PCLO: variants seen among roughly 807,000 people sequenced by gnomAD.
The protein encoded by PCLO is piccolo presynaptic cytomatrix protein, also known as protein piccolo.
Under a neutral mutation model 427.5 loss-of-function variants are expected in PCLO, and 82 were observed. The ratio of observed to expected loss-of-function variants is 0.19; its 90% CI spans 0.16 to 0.23. The LOEUF (loss-of-function observed/expected upper bound fraction) is 0.23. Ranked by LOEUF, PCLO falls within the 10% of genes least tolerant of loss-of-function variation. PCLO has a pLI of 1.00. For missense variants in PCLO, 6,239 were observed against 6,115.9 expected (o/e 1.02, Z -0.67); for synonymous variants, 2,357 against 2,155.4 (o/e 1.09, Z -2.59).
At chr7:82,840,221 A>G (rs779847945) in intron 14 of PCLO, among the ~76,000 whole-genome samples, 2 of 152,120 alleles carry the variant, frequency 1.3e-5, no homozygotes, top group Non-Finnish European at 2.9e-5. Context: ...AGTTGGAAAT[A>G]GCAGAGAAAC....
At chr7:82,878,238 C>CTGCTTCTAATT (rs1332308263) in intron 10 of PCLO, among the ~76,000 whole-genome samples, 2 of 152,096 alleles carry the variant, frequency 1.3e-5, no homozygotes, top group Admixed American at 6.6e-5. Context: ...TGAATAAATA[C>CTGCTTCTAATT]TGCTTCTAAT....
chr7:82,792,254 T>C (rs1437893231), intron 22 of PCLO, among the ~76,000 whole-genome samples: 1 of 152,138 alleles, frequency 6.6e-6, no homozygotes, highest in Non-Finnish European at 1.5e-5. Context: ...CATTTTTTTC[T>C]TCTTATTATT....
At chr7:82,795,297 C>T (rs532409955) in intron 22 of PCLO, among the ~76,000 whole-genome samples, 2 of 152,120 alleles carry the variant, frequency 1.3e-5, no homozygotes, top group East Asian at 3.9e-4. Flanking sequence ...TATCCATTTG[C>T]CCATTTATCT....
chr7:82,956,709 G>T lies in PCLO; in HGVS notation c.4244C>A (p.Thr1415Lys). Residue 1415 changes from threonine (T) to lysine (K), a missense_variant, in exon 5 of 25, where the codon ACA becomes AAA. Physicochemically the swap from Thr to Lys is moderately conservative, Grantham distance 78 (BLOSUM62 -1). Coordinates refer to ENST00000333891, the MANE Select transcript of PCLO (RefSeq NM_033026.6). ...SPSDLAKLES[T>K]VLSILEAQAS... ...TTGAGCTTCCAAAATAGATAGGACT[G>T]TACTTTCTAACTTAGCCAAATCTGA... 6.2e-7 allele frequency: 1 copy of T among 1,613,626 alleles called. No individual in the cohort carries two copies. Among genetic ancestry groups the T allele is most frequent in the Admixed American group, 1.7e-5 (1 of 60,000 alleles).
intron 22 of PCLO, among the ~76,000 whole-genome samples, chr7:82,788,650 A>G (rs1791034869): frequency 1.3e-5 from 2 of 152,044 alleles, no homozygotes; most frequent in Non-Finnish European, 2.9e-5. Flanking sequence ...TATGCCCAAA[A>G]TGTTTTAATT....
chr7:83,123,550 A>G (rs1226861525), intron 3 of PCLO, among the ~76,000 whole-genome samples: 1 of 152,220 alleles, frequency 6.6e-6, no homozygotes, highest in African/African-American at 2.4e-5. Flanking sequence ...GAAACTCTCC[A>G]GAACATTGGT....
At chr7:82,904,570 T>C (rs1056776201) in intron 8 of PCLO, among the ~76,000 whole-genome samples, 10 of 152,042 alleles carry the variant, frequency 6.6e-5, no homozygotes, top group African/African-American at 2.4e-4. Flanking sequence ...TATTAGTTAA[T>C]AATAATTCCA....
At chr7:82,801,655 A>C (rs1396943799) in intron 21 of PCLO, 64 bp from the exon 22 acceptor site, 11 of 944,866 alleles carry the variant, frequency 1.2e-5, no homozygotes, top group Non-Finnish European at 1.7e-5. Flanking sequence ...AAGAGGCTAA[A>C]TTTGCATAAA....
intron 3 of PCLO, among the ~76,000 whole-genome samples, chr7:82,969,901 T>C (rs1795863352): frequency 6.6e-6 from 1 of 152,140 alleles, no homozygotes. Context: ...ATAGATATGT[T>C]AATAAATTGT....
At chr7:82,866,341 TATATGAG>T (rs1793092146) in intron 10 of PCLO, among the ~76,000 whole-genome samples, 1 of 151,976 alleles carries the variant, frequency 6.6e-6, no homozygotes, top group Non-Finnish European at 1.5e-5. Context: ...CTTAATATAT[TATATGAG>T]ATATATTTAA....
intron 3 of PCLO, among the ~76,000 whole-genome samples, chr7:82,988,818 TA>T (rs1310305596): frequency 6.6e-6 from 1 of 151,624 alleles, no homozygotes; most frequent in Admixed American, 6.6e-5. Context: ...TATTTTTTTT[TA>T]TTTTTTATTT....
chr7:83,101,528 C>A (rs59816943), intron 3 of PCLO, among the ~76,000 whole-genome samples: 7,978 of 151,924 alleles, frequency 0.053, 679 homozygotes, highest in African/African-American at 0.18. Context: ...AGAAAATAAA[C>A]TAAGTATTTT....
At chr7:82,780,317 T>G (rs866121653) in intron 22 of PCLO, among the ~76,000 whole-genome samples, 2 of 152,212 alleles carry the variant, frequency 1.3e-5, no homozygotes, top group South Asian at 2.1e-4. Flanking sequence ...GTAGAGAATT[T>G]AGTAATCTAT....
intron 14 of PCLO, among the ~76,000 whole-genome samples, chr7:82,839,359 T>C (rs957334974): frequency 2.0e-5 from 3 of 152,104 alleles, no homozygotes; most frequent in African/African-American, 7.2e-5. Flanking sequence ...GATCTTATTA[T>C]GTTTCCTGTC....
rs755988148 is a variant in PCLO at position 82,950,835 on chromosome 7, G to T, written c.9753C>A (p.Ile3251=). 2.5e-6 allele frequency: 4 copies of T among 1,613,510 alleles called. No individual in the cohort carries two copies. The Admixed American group carries it at 5.0e-5, about 20-fold the overall frequency. The change falls in exon 6 of 25, where the codon ATC becomes ATA. Residue 3251 remains isoleucine, a synonymous_variant. Transcript: ENST00000333891. ...GCTCCTCCAACTTTTTCTGAACCAT[G>T]ATCTTTTCTTGTTCTCGGAACCTTT... ...EIQRFREQEK[I]MVQKKLEELQ... is the part of the protein sequence containing the mutation.
At chr7:83,074,291 G>T (rs563877401) in intron 3 of PCLO, among the ~76,000 whole-genome samples, 1 of 151,862 alleles carries the variant, frequency 6.6e-6, no homozygotes, top group Non-Finnish European at 1.5e-5. Flanking sequence ...ATAGACATCC[G>T]GATAACTACA....
chr7:83,156,495 G>A (rs1792305061), intron 1 of PCLO, 103 bp from the exon 2 acceptor site: 2 of 698,928 alleles, frequency 2.9e-6, no homozygotes, highest in South Asian at 2.5e-5. Flanking sequence ...TCAAAATTAT[G>A]AATGTATAAA....
chr7:82,845,605 A>G (rs1792480464), intron 12 of PCLO, 120 bp from the exon 13 acceptor site: 75 of 671,814 alleles, frequency 1.1e-4, no homozygotes, highest in South Asian at 1.0e-3. Flanking sequence ...GCTAAACTTT[A>G]AAAATGAAAT....
chr7:83,061,237 G>T (rs1240998253), intron 3 of PCLO, among the ~76,000 whole-genome samples: 1 of 152,120 alleles, frequency 6.6e-6, no homozygotes, highest in Non-Finnish European at 1.5e-5. Context: ...CATTCAACTT[G>T]TTGGCAGAAT....
Sources: gnomAD v4.1 joint callset for allele counts (sites outside exome capture counted in the v4.1 genomes callset) on GRCh38, gnomAD v4.1.1 for gene constraint, MANE v1.5 for transcripts, NCBI Gene and HGNC (gene_info 2026-07-23, HGNC 2026-07-21) for gene names.